ADGRL4: variants seen among roughly 807,000 people sequenced by gnomAD.
ADGRL4 encodes EGF, latrophilin and seven transmembrane domain containing 1.
Under a neutral mutation model 74.8 loss-of-function variants are expected in ADGRL4, and 90 were observed. The observed-to-expected ratio is 1.20, with a 90% confidence interval of 1.02 to 1.43. The LOEUF is 1.43. Ranked by LOEUF, ADGRL4 falls within the 40% of genes most tolerant of loss-of-function variation. The pLI, the probability that ADGRL4 is intolerant of heterozygous loss-of-function variation, is 0.00. For synonymous variants in ADGRL4, 311 were observed against 279.2 expected, an observed-to-expected ratio of 1.11 and a Z score of -1.14; for missense variants, 881 against 814.3, an observed-to-expected ratio of 1.08 and a Z score of -1.00.
At chr1:78,924,541 G>A (rs1220672437) in intron 8 of ADGRL4, among the ~76,000 whole-genome samples, 2 of 152,026 alleles carry the variant, frequency 1.3e-5, no homozygotes, top group East Asian at 3.9e-4. Context: ...AGATCATCTA[G>A]ACAGCATCAA....
intron 12 of ADGRL4, 51 bp downstream of exon 12, chr1:78,917,583 C>T: frequency 3.2e-6 from 4 of 1,269,010 alleles, no homozygotes; most frequent in Non-Finnish European, 4.4e-6. Context: ...TTTTAAGCAC[C>T]CTATGATCAT....
At chr1:78,925,086 A>C (rs966213649) in intron 8 of ADGRL4, among the ~76,000 whole-genome samples, 13 of 152,080 alleles carry the variant, frequency 8.5e-5, no homozygotes, top group Non-Finnish European at 1.8e-4. Context: ...GAGATCCAGG[A>C]AAGATGAGAT....
intron 12 of ADGRL4, among the ~76,000 whole-genome samples, chr1:78,907,252 T>C (rs1237197683): frequency 1.3e-5 from 2 of 152,096 alleles, no homozygotes; most frequent in African/African-American, 4.8e-5. Context: ...TAATGAATGC[T>C]GCATATAATT....
intron 2 of ADGRL4, among the ~76,000 whole-genome samples, chr1:78,952,168 T>C (rs950575702): frequency 1.3e-5 from 2 of 152,088 alleles, no homozygotes; most frequent in Non-Finnish European, 2.9e-5. Context: ...CAACTTGAAA[T>C]CTATGGAACT....
chr1:78,946,845 T>C (rs912862430), intron 2 of ADGRL4, among the ~76,000 whole-genome samples: 8 of 152,346 alleles, frequency 5.3e-5, no homozygotes, highest in African/African-American at 1.9e-4. Flanking sequence ...TCATGTACTA[T>C]TTATTTCATC....
At position 78,917,639 on chromosome 1, in the gene ADGRL4, T is replaced by A. The variant is rs1648905525; in HGVS notation, c.1744A>T (p.Ile582Phe). ...WSFIGPACLI[I>F]LVNLLAFGVI... is the part of the protein sequence containing the mutation. The stretch of plus-strand genomic sequence containing the variant: ...ACAATTTTATATATACATACAAGAA[T>A]GATTAGGCATGCTGGTCCTATAAAA... Residue 582 changes from isoleucine (I) to phenylalanine (F), a missense_variant, in exon 12 of 15, where the codon ATT (isoleucine) becomes TTT (phenylalanine). Ile to Phe is a conservative substitution (Grantham distance 21). Transcript: ENST00000370742. The A allele has an allele frequency of 1.3e-6, 2 of 1,594,736 alleles. No homozygotes were observed. The highest frequency in any genetic ancestry group is 1.7e-6 in the Non-Finnish European group (2 of 1,169,212).
At chr1:78,952,106 G>A (rs571860230) in intron 2 of ADGRL4, among the ~76,000 whole-genome samples, 2 of 151,248 alleles carry the variant, frequency 1.3e-5, no homozygotes, top group African/African-American at 4.9e-5. Context: ...AAAAAGAATC[G>A]TCTTTTTTTT....
intron 8 of ADGRL4, among the ~76,000 whole-genome samples, chr1:78,923,552 C>T (rs1404189811): frequency 2.0e-5 from 3 of 151,754 alleles, no homozygotes; most frequent in African/African-American, 7.3e-5. Context: ...TGAGGACAAG[C>T]TCCAACAGCA....
intron 2 of ADGRL4, among the ~76,000 whole-genome samples, chr1:78,985,363 T>C (rs1438157509): frequency 2.6e-5 from 4 of 151,798 alleles, no homozygotes; most frequent in Non-Finnish European, 5.9e-5. Context: ...GCTTTTTCCC[T>C]TGACTTTTTC....
intron 10 of ADGRL4, among the ~76,000 whole-genome samples, chr1:78,919,773 CT>C (rs1648957492): frequency 6.6e-6 from 1 of 151,914 alleles, no homozygotes; most frequent in South Asian, 2.1e-4. Flanking sequence ...AGAAAAGATA[CT>C]AGGTAAAACC....
At chr1:78,932,662 C>G (rs967005360) in intron 7 of ADGRL4, among the ~76,000 whole-genome samples, 1 of 124,248 alleles carries the variant, frequency 8.0e-6, no homozygotes. Context: ...AAAAAATTAA[C>G]AAAATAGACC....
intron 2 of ADGRL4, among the ~76,000 whole-genome samples, chr1:78,949,228 ATTGT>A (rs377383047): frequency 1.4e-4 from 21 of 152,206 alleles, no homozygotes; most frequent in East Asian, 3.9e-4. Context: ...CACCTAACTG[ATTGT>A]TTGTAAAAAT....
chr1:78,948,142 G>C (rs1237980843), intron 2 of ADGRL4, among the ~76,000 whole-genome samples: 1 of 152,102 alleles, frequency 6.6e-6, no homozygotes, highest in East Asian at 1.9e-4. Flanking sequence ...GGCAGGTTGA[G>C]AGCAAATCTC....
intron 12 of ADGRL4, among the ~76,000 whole-genome samples, chr1:78,902,992 G>A (rs1315875553): frequency 6.6e-6 from 1 of 152,032 alleles, no homozygotes; most frequent in African/African-American, 2.4e-5. Flanking sequence ...AAAGTGGATT[G>A]TCAAAAAAAT....
At chr1:78,938,488 T>C (rs1006353509) in intron 4 of ADGRL4, among the ~76,000 whole-genome samples, 2 of 151,556 alleles carry the variant, frequency 1.3e-5, no homozygotes, top group Admixed American at 6.6e-5. Context: ...AAGCCTAGAC[T>C]TGACTTTAGA....
intron 7 of ADGRL4, among the ~76,000 whole-genome samples, chr1:78,933,811 G>T (rs1159891559): frequency 2.0e-5 from 3 of 147,254 alleles, no homozygotes; most frequent in Non-Finnish European, 4.4e-5. Flanking sequence ...GCCAAATCAT[G>T]AATGAACTCC....
intron 2 of ADGRL4, among the ~76,000 whole-genome samples, chr1:78,972,800 G>A (rs111329685): frequency 0.032 from 4,855 of 152,168 alleles, 100 homozygotes; most frequent in South Asian, 0.053. Context: ...ACATACATTT[G>A]CATACGGTTC....
chr1:78,932,287 C>T (rs1649258564), intron 7 of ADGRL4, among the ~76,000 whole-genome samples: 1 of 151,342 alleles, frequency 6.6e-6, no homozygotes, highest in Admixed American at 6.6e-5. Flanking sequence ...AAACCATACA[C>T]TTACATGGAA....
chr1:78,892,888 T>A (rs189729520), intron 13 of ADGRL4, among the ~76,000 whole-genome samples: 1 of 151,944 alleles, frequency 6.6e-6, no homozygotes, highest in African/African-American at 2.4e-5. Flanking sequence ...AAGGGGTGTA[T>A]GTTTGAAAAA....
Sources: allele counts gnomAD v4.1 joint callset (sites outside exome capture counted in the v4.1 genomes callset), GRCh38; gene constraint gnomAD v4.1.1; transcripts MANE v1.5; gene names NCBI Gene and HGNC (gene_info 2026-07-23, HGNC 2026-07-21).